The following RPS6KC1 variants were observed in gnomAD, a reference collection of about 807,000 sequenced individuals.
RPS6KC1 encodes the protein inactive ribosomal protein S6 kinase delta-1.
A neutral mutation model predicts 103.8 loss-of-function variants in RPS6KC1; 54 were observed. The ratio of observed to expected loss-of-function variants is 0.52; its 90% CI spans 0.42 to 0.65. The LOEUF is 0.65. Ranked by LOEUF, RPS6KC1 falls within the 30% of genes least tolerant of loss-of-function variation. The probability of loss-of-function intolerance (pLI) is 0.00; values close to 1 mark genes in which losing one functional copy is unlikely to be tolerated. For missense variants in RPS6KC1, 1,151 were observed against 1,253.8 expected (o/e 0.92, Z 1.24); for synonymous variants, 439 against 438.7 (o/e 1.00, Z -0.01).
chr1:213,265,678 T>G lies in RPS6KC1; in HGVS notation c.3090+2862T>G, dbSNP rs907583328. On this transcript the variant is annotated intron_variant, in intron 14 of 14. Transcript: ENST00000366960. The stretch of plus-strand genomic sequence containing the variant: ...ACTAATATAAAAATTCTTTGAGCAA[T>G]TAGGTTTAATCAACAGTGTAGTATG... Among the ~76,000 whole-genome samples the G allele has an allele frequency of 2.0e-5, 3 of 152,218 alleles. No individual in the cohort carries two copies. In the South Asian group the frequency reaches 6.2e-4, roughly 32 times the overall value.
the RPS6KC1 span, among the ~76,000 whole-genome samples, chr1:213,322,911 CTTTTTTTTTTTTTTTTT>C: frequency 5.5e-5 from 2 of 36,604 alleles, no homozygotes; most frequent in African/African-American, 1.2e-4. Flanking sequence ...CCATGCCCAG[CTTTTTTTTTTTTTTTTT>C]TTTTTTTTTT....
At chr1:213,113,517 C>T (rs1169035859) in intron 4 of RPS6KC1, among the ~76,000 whole-genome samples, 5 of 150,224 alleles carry the variant, frequency 3.3e-5, no homozygotes, top group African/African-American at 4.9e-5. Context: ...GTTGCCTGTT[C>T]ACTCTGATGG....
At chr1:213,400,777 G>A in the RPS6KC1 span, among the ~76,000 whole-genome samples, 2 of 151,714 alleles carry the variant, frequency 1.3e-5, no homozygotes, top group East Asian at 3.9e-4. Context: ...CGCGATCTCG[G>A]CTCACTGCAA....
the RPS6KC1 span, among the ~76,000 whole-genome samples, chr1:213,816,645 T>C: frequency 6.6e-6 from 1 of 152,138 alleles, no homozygotes; most frequent in Non-Finnish European, 1.5e-5. Context: ...TTCCCCCCTC[T>C]GCTCACCAGC....
chr1:213,256,739 T>A (rs1333714854), intron 12 of RPS6KC1, among the ~76,000 whole-genome samples: 3 of 152,136 alleles, frequency 2.0e-5, no homozygotes, highest in African/African-American at 7.2e-5. Context: ...AGCAGTACAT[T>A]GGTCATTATT....
chr1:213,624,742 T>C, the RPS6KC1 span, among the ~76,000 whole-genome samples: 1 of 152,130 alleles, frequency 6.6e-6, no homozygotes, highest in African/African-American at 2.4e-5. Flanking sequence ...ATCCCTCTTT[T>C]TGCCGTGTTC....
the RPS6KC1 span, among the ~76,000 whole-genome samples, chr1:213,734,247 C>T: frequency 6.6e-6 from 1 of 152,196 alleles, no homozygotes; most frequent in East Asian, 1.9e-4. Flanking sequence ...CTTCTTTTCT[C>T]ATTGTCCTTG....
the RPS6KC1 span, among the ~76,000 whole-genome samples, chr1:213,583,772 G>T: frequency 6.8e-6 from 1 of 147,266 alleles, no homozygotes; most frequent in Non-Finnish European, 1.5e-5. Flanking sequence ...AGTGAGCCGA[G>T]GTTGCACCAT....
At chr1:213,105,435 A>G (rs548364979) in intron 4 of RPS6KC1, among the ~76,000 whole-genome samples, 3 of 152,126 alleles carry the variant, frequency 2.0e-5, no homozygotes, top group South Asian at 2.1e-4. Flanking sequence ...TTCTTAGCCT[A>G]TATAACCAGT....
At chr1:213,420,826 C>A in the RPS6KC1 span, among the ~76,000 whole-genome samples, 1 of 152,182 alleles carries the variant, frequency 6.6e-6, no homozygotes, top group African/African-American at 2.4e-5. Context: ...AAGGTGCTGG[C>A]AGGGCCACGC....
the RPS6KC1 span, among the ~76,000 whole-genome samples, chr1:213,751,634 G>A: frequency 2.6e-5 from 4 of 152,156 alleles, no homozygotes; most frequent in South Asian, 8.3e-4. Flanking sequence ...GAGGAGAGCA[G>A]ATATTAACTG....
chr1:213,187,005 T>A (rs1376373781), intron 8 of RPS6KC1, among the ~76,000 whole-genome samples: 1 of 152,102 alleles, frequency 6.6e-6, no homozygotes, highest in East Asian at 1.9e-4. Context: ...TTGCCTAGGA[T>A]CAGTGATTCT....
chr1:213,154,618 C>T (rs1386892235), intron 6 of RPS6KC1, among the ~76,000 whole-genome samples: 2 of 152,206 alleles, frequency 1.3e-5, no homozygotes, highest in Admixed American at 1.3e-4. Context: ...GTTGTAAATG[C>T]TGCCTGGACT....
chr1:213,695,037 T>G, the RPS6KC1 span, among the ~76,000 whole-genome samples: 1 of 152,110 alleles, frequency 6.6e-6, no homozygotes, highest in Non-Finnish European at 1.5e-5. Context: ...TCGGAAGAGT[T>G]GAATCCTCTC....
the RPS6KC1 span, among the ~76,000 whole-genome samples, chr1:213,434,378 G>A: frequency 3.0e-4 from 46 of 152,242 alleles, no homozygotes; most frequent in African/African-American, 1.1e-3. Context: ...GTATCTTAAA[G>A]ATATTCCACT....
the RPS6KC1 span, among the ~76,000 whole-genome samples, chr1:213,308,118 C>T: frequency 7.2e-5 from 11 of 152,006 alleles, no homozygotes; most frequent in Non-Finnish European, 1.6e-4. Context: ...TCAAGACCAG[C>T]TTGGCCAACA....
At chr1:213,056,100 A>T (rs1269924761) in intron 1 of RPS6KC1, among the ~76,000 whole-genome samples, 1 of 152,130 alleles carries the variant, frequency 6.6e-6, no homozygotes, top group Non-Finnish European at 1.5e-5. Context: ...TTATTTTGAA[A>T]CCAGGAGAAT....
At chr1:213,597,877 A>T in the RPS6KC1 span, among the ~76,000 whole-genome samples, 1 of 152,200 alleles carries the variant, frequency 6.6e-6, no homozygotes, top group Non-Finnish European at 1.5e-5. Flanking sequence ...GGGTCAGGCA[A>T]ATGTGGTACC....
chr1:213,810,472 G>A, the RPS6KC1 span, among the ~76,000 whole-genome samples: 1 of 152,194 alleles, frequency 6.6e-6, no homozygotes, highest in Admixed American at 6.5e-5. Context: ...ATTGGAAGAA[G>A]ATACAGAAAA....
Sources: allele counts gnomAD v4.1 joint callset (sites outside exome capture counted in the v4.1 genomes callset), GRCh38; gene constraint gnomAD v4.1.1; transcripts MANE v1.5; gene names NCBI Gene and HGNC (gene_info 2026-07-23, HGNC 2026-07-21).